The following MGAM variants were observed in gnomAD, a reference collection of about 807,000 sequenced individuals.
MGAM encodes maltase-glucoamylase.
Under a neutral mutation model 358.8 loss-of-function variants are expected in MGAM, and 253 were observed. That is an observed-to-expected ratio of 0.71 (90% CI 0.64 to 0.78). The LOEUF is 0.78. Ranked by LOEUF, MGAM falls within the 30% of genes least tolerant of loss-of-function variation. The pLI is 0.00. For synonymous variants in MGAM, 1,105 were observed against 1,227.1 expected (o/e 0.90, Z 2.08); for missense variants, 3,080 against 3,432.6 (o/e 0.90, Z 2.57).
intron 3 of MGAM, among the ~76,000 whole-genome samples, chr7:142,013,350 C>G (rs1805741700): frequency 1.3e-5 from 2 of 152,146 alleles, no homozygotes; most frequent in South Asian, 4.1e-4. Flanking sequence ...CTCACTCAAG[C>G]TGACTCTGCC....
intron 8 of MGAM, among the ~76,000 whole-genome samples, chr7:142,025,481 G>A (rs1806876142): frequency 1.3e-5 from 2 of 152,290 alleles, no homozygotes; most frequent in South Asian, 4.1e-4. Flanking sequence ...CAGCCCTGTA[G>A]TCAGTAGATC....
Position 142,040,159 on chromosome 7 carries a change from T to C in MGAM, c.2361T>C (p.Tyr787=), listed in dbSNP as rs367669159. 7 of 1,612,098 alleles carry C rather than the reference T, an allele frequency of 4.3e-6. No individual in the cohort carries two copies. In the Admixed American group the frequency reaches 1.2e-4, roughly 27 times the overall value. ...VMAYVPDAVW[Y]DYETGSQVRW... ...CATATGTGCCTGATGCTGTCTGGTA[T>C]GACTACGAGACTGTAAGTAGCTTTG... The change falls in exon 20 of 71, where the codon TAT becomes TAC. Residue 787 remains tyrosine, a synonymous_variant. Transcript: ENST00000475668.
Position 142,030,473 on chromosome 7 carries a change from C to T in MGAM, c.1333C>T (p.Gln445Ter). The T allele has an allele frequency of 6.2e-7, 1 of 1,613,672 alleles. No homozygotes were observed. The highest frequency in any genetic ancestry group is 1.1e-5 in the South Asian group (1 of 91,076). The change falls in exon 11 of 71, where the codon CAG becomes TAG. Residue 445 changes from glutamine (Q) to a stop codon, truncating the protein, a stop_gained. Transcript: ENST00000475668. LOFTEE classifies it high-confidence loss of function. Reference protein sequence around the residue: ...EFVNELHNNGQKLVIIVDPAI... With the variant: ...EFVNELHNNG ...TGTCAACGAGTTACACAATAATGGA[C>T]AGAAGCTTGTCATCATTGTGGTATG...
Position 141,986,734 on chromosome 7 carries a change from T to G in MGAM, c.-2-18795T>G, listed in dbSNP as rs77996614. ...TATTATACTGCCACAATTTTAGCAA[T>G]TCAAAATATTGATTGAAATTACTTA... On this transcript the variant is annotated intron_variant, in intron 2 of 5. Transcript: ENST00000465654. Among the ~76,000 whole-genome samples the G allele has an allele frequency of 8.4e-3, 1,272 of 152,324 alleles. 18 individuals carry two copies. The highest frequency in any genetic ancestry group is 0.029 in the African/African-American group (1,204 of 41,568).
At chr7:142,038,734 A>G (rs1231579985) in intron 19 of MGAM, 119 bp downstream of exon 19, 1 of 682,128 alleles carries the variant, frequency 1.5e-6, no homozygotes. Context: ...GTCAGCCTTG[A>G]AGAGAGTGTG....
rs747561723 is a variant in MGAM, at chr7:142,079,140, T to C, written c.5847+132T>C. 50 of 878,328 alleles carry C rather than the reference T, an allele frequency of 5.7e-5. 8 individuals are homozygous for C. Among genetic ancestry groups the C allele is most frequent in the Non-Finnish European group, 8.0e-5 (47 of 586,656 alleles). 54.4% of individuals were successfully genotyped at this position (878,328 alleles called of 1,614,324 possible). A position where few individuals can be genotyped will look rare whatever the true frequency, so the allele number is the denominator to read the frequency against. On this transcript the variant is annotated intron_variant, in intron 49 of 70. Transcript: ENST00000475668. ...GACTATGTCATTATCCAGAGAACAT[T>C]GAGAAATCATTGAGGGAACAATGAG... is the stretch of plus-strand genomic sequence containing the variant.
At chr7:142,041,698 G>A (rs993326723) in intron 21 of MGAM, among the ~76,000 whole-genome samples, 4 of 149,964 alleles carry the variant, frequency 2.7e-5, no homozygotes, top group Non-Finnish European at 4.4e-5. Context: ...CCAGACATAC[G>A]TATGTATTTT....
At position 142,080,936 on chromosome 7, in the gene MGAM, G is replaced by A. The variant is rs754715342; in HGVS notation, c.5993G>A (p.Gly1998Asp). The change falls in exon 50 of 71, where the codon GGC becomes GAC. Residue 1998 changes from glycine to aspartate, a missense_variant. By Grantham distance (94) the Gly-to-Asp change is moderately conservative (BLOSUM62 -1). This residue lies in a region of MGAM where 932 missense variants were observed against 1,198.2 expected (regional missense o/e 0.78). Coordinates refer to ENST00000475668, the MANE Select transcript of MGAM (RefSeq NM_001365693.1). ...ATTGAAATTCGCCGGAAGAGTACAG[G>A]CACTATAATGTGAGTGGCTTCTAGT... The part of the protein sequence containing the change: ...FGIEIRRKST[G>D]TIIWDSQLLG... The A allele has an allele frequency of 2.6e-6, 4 of 1,553,896 alleles. No homozygotes were observed. Among genetic ancestry groups the A allele is most frequent in the East Asian group, 2.3e-5 (1 of 43,834 alleles).
rs920414573 is a variant in MGAM, at chr7:142,069,404, A to G, written c.5061+701A>G. ...TGGGCTCTTGCTGGGACCCTGACAA[A>G]TCAGACCCTGATTCTTGGGGAAGAA... On this transcript the variant is annotated intron_variant, in intron 43 of 70. Transcript: ENST00000475668. Among the ~76,000 whole-genome samples the G allele has an allele frequency of 1.2e-4, 17 of 145,748 alleles. 1 individual carries two copies. The highest frequency in any genetic ancestry group is 3.5e-3 in the Middle Eastern group (1 of 284).
chr7:142,065,107 T>C (rs1222573462), intron 37 of MGAM, among the ~76,000 whole-genome samples: 1 of 152,146 alleles, frequency 6.6e-6, no homozygotes, highest in South Asian at 2.1e-4. Context: ...TTGGGAGTAC[T>C]CCAGTGAGGC....
intron 31 of MGAM, 87 bp downstream of exon 31, chr7:142,058,415 C>T: frequency 6.3e-7 from 1 of 1,578,630 alleles, no homozygotes; most frequent in Non-Finnish European, 8.6e-7. Context: ...TTGTTGGATT[C>T]CATAAAGACA....
intron 21 of MGAM, among the ~76,000 whole-genome samples, chr7:142,045,205 TATAAC>T (rs1809962420): frequency 1.6e-5 from 1 of 63,170 alleles, no homozygotes; most frequent in Non-Finnish European, 2.9e-5. Context: ...ATATATATTA[TATAAC>T]ATATATGTAT....
At chr7:142,052,653 A>G in intron 25 of MGAM, 131 bp from the exon 26 acceptor site, 1 of 1,343,742 alleles carries the variant, frequency 7.4e-7, no homozygotes, top group Non-Finnish European at 1.0e-6. Flanking sequence ...ATTGAAATTT[A>G]TGTTATTGCC....
intron 6 of MGAM, 148 bp from the exon 7 acceptor site, chr7:142,022,120 T>G (rs1584931533): frequency 1.3e-6 from 1 of 751,396 alleles, no homozygotes; most frequent in South Asian, 2.1e-5. Context: ...ATCTCTTGTT[T>G]TCCATAGAAA....
rs140732935 is a variant in MGAM at position 142,083,224 on chromosome 7, A to G, written c.6269-77A>G. ...CTACGATAGGGAGGGTGCAGGAAAT[A>G]GAGAATGTGTGGATTTCAGGGGTGA... is the stretch of plus-strand genomic sequence containing the variant. On this transcript the variant is annotated intron_variant, in intron 52 of 70. Transcript: ENST00000475668. 8.7e-3 allele frequency: 9,905 copies of G among 1,139,552 alleles called. 1,178 individuals are homozygous for G. Among genetic ancestry groups the G allele is most frequent in the South Asian group, 0.08 (5,704 of 71,048 alleles). The allele number at this position is 1,139,552 out of a possible 1,614,324, so 70.6% of individuals were successfully genotyped here. A position where few individuals can be genotyped will look rare whatever the true frequency, so the allele number is the denominator to read the frequency against.
At chr7:142,031,560 G>A in intron 12 of MGAM, 120 bp from the exon 13 acceptor site, 2 of 630,244 alleles carry the variant, frequency 3.2e-6, no homozygotes, top group East Asian at 2.7e-5. Flanking sequence ...AACTAAAAAG[G>A]ATATGTTCCT....
intron 37 of MGAM, 62 bp from the exon 38 acceptor site, chr7:142,065,273 A>G: frequency 6.4e-7 from 1 of 1,570,912 alleles, no homozygotes; most frequent in Non-Finnish European, 8.6e-7. Flanking sequence ...TGGGAGCAGA[A>G]GCTCTATGGC....
At chr7:141,993,006 T>G (rs1311953044), upstream of MGAM, among the ~76,000 whole-genome samples, 3 of 152,238 alleles carry the variant, frequency 2.0e-5, no homozygotes, top group African/African-American at 2.4e-5. Context: ...CCACGGTGGT[T>G]GTTGTTCACT....
In MGAM at chr7:142,046,021, ACAATATG is replaced by A. The variant is rs1243142276; in HGVS notation, c.2499-1763_2499-1757del. 6.3e-5 allele frequency among the ~76,000 whole-genome samples: 8 copies of A among 126,392 alleles called. No homozygotes were observed. The East Asian group carries it at 1.1e-3, about 17-fold the overall frequency. 82.9% of individuals were successfully genotyped at this position (126,392 alleles called of 152,430 possible). ...TATGTAATATATATTATGTATACAT[ACAATATG>A]TAATATATATTATATATACATACAA... On this transcript the variant is annotated intron_variant, in intron 21 of 70. Coordinates refer to ENST00000475668, the MANE Select transcript of MGAM (RefSeq NM_001365693.1).
Sources: gnomAD v4.1 joint callset for allele counts (sites outside exome capture counted in the v4.1 genomes callset) on GRCh38, gnomAD v4.1.1 for gene constraint, gnomAD v4.1.1 regional missense constraint, MANE v1.5 for transcripts, NCBI Gene and HGNC (gene_info 2026-07-23, HGNC 2026-07-21) for gene names.